The following ARID1B variants were observed in gnomAD, a reference collection of about 807,000 sequenced individuals.
The protein encoded by ARID1B is AT-rich interactive domain-containing protein 1B.
In ARID1B, 30 loss-of-function variants were observed where a neutral mutation model predicts 212.3. The ratio of observed to expected loss-of-function variants is 0.14; its 90% CI spans 0.11 to 0.19. The LOEUF is 0.19. Among genes scored for constraint, ARID1B ranks in the 10% least tolerant of loss-of-function variants. The pLI is 1.00. For missense variants in ARID1B, 2,891 were observed against 3,204.0 expected, an observed-to-expected ratio of 0.90 and a Z score of 2.36; for synonymous variants, 1,402 against 1,301.7, an observed-to-expected ratio of 1.08 and a Z score of -1.66.
chr6:156,935,147 GC>G (rs1050401904), intron 3 of ARID1B, among the ~76,000 whole-genome samples: 8 of 151,872 alleles, frequency 5.3e-5, no homozygotes, highest in Non-Finnish European at 1.0e-4. Flanking sequence ...AGGCTGGAGT[GC>G]AGCGGTGCAG....
rs1375128297 is a variant in ARID1B, at chr6:157,174,959, G to T, written c.3458G>T (p.Ser1153Ile). Residue 1153 changes from serine to isoleucine, a missense_variant, in exon 11 of 20, where the codon AGT becomes ATT. By Grantham distance (142) the Ser-to-Ile change is moderately radical. Transcript: ENST00000636930. The stretch of plus-strand genomic sequence containing the variant: ...ATCTCCTCATTTCATGGAGATGAAA[G>T]TGATAGCATTAGCAGCCCAGGCTGG... ...ASISSFHGDESDSISSPGWPK... is the reference protein window; with the variant it reads ...ASISSFHGDEIDSISSPGWPK... 4 of 1,531,356 alleles carry T rather than the reference G, an allele frequency of 2.6e-6. No homozygotes were observed. The highest frequency in any genetic ancestry group is 3.5e-6 in the Non-Finnish European group (4 of 1,137,058). The allele number at this position is 1,531,356 out of a possible 1,614,324, so 94.9% of individuals were successfully genotyped here.
intron 3 of ARID1B, among the ~76,000 whole-genome samples, chr6:156,928,388 T>C (rs552107050): frequency 6.6e-6 from 1 of 151,816 alleles, no homozygotes; most frequent in South Asian, 2.1e-4. Flanking sequence ...AGATAATGAG[T>C]TGTGTGGGGT....
At chr6:157,112,199 T>G (rs919980726) in intron 6 of ARID1B, among the ~76,000 whole-genome samples, 2 of 152,210 alleles carry the variant, frequency 1.3e-5, no homozygotes, top group Non-Finnish European at 2.9e-5. Flanking sequence ...TGGATTTGTT[T>G]CCCTAAATTC....
chr6:157,006,079 CCTT>C (rs1231254058), intron 4 of ARID1B, among the ~76,000 whole-genome samples: 1 of 152,168 alleles, frequency 6.6e-6, no homozygotes, highest in Non-Finnish European at 1.5e-5. Flanking sequence ...AAGATAGACT[CCTT>C]TGCCCTTGGT....
At chr6:157,126,407 TTCTC>T (rs1788140995) in intron 6 of ARID1B, among the ~76,000 whole-genome samples, 1 of 152,116 alleles carries the variant, frequency 6.6e-6, no homozygotes, top group Non-Finnish European at 1.5e-5. Context: ...CTACCTTAAC[TTCTC>T]TCTAAGGATT....
intron 6 of ARID1B, among the ~76,000 whole-genome samples, chr6:157,129,680 A>G (rs994789466): frequency 1.3e-5 from 2 of 152,222 alleles, no homozygotes; most frequent in Non-Finnish European, 2.9e-5. Context: ...TGGAAACTCC[A>G]TCTCCTTTTT....
At chr6:157,063,357 A>G (rs982452168) in intron 4 of ARID1B, among the ~76,000 whole-genome samples, 2 of 152,162 alleles carry the variant, frequency 1.3e-5, no homozygotes, top group African/African-American at 2.4e-5. Flanking sequence ...AGGTGCTCTC[A>G]TGCCCCTTTG....
chr6:157,066,668 C>T (rs1202777641), intron 4 of ARID1B, among the ~76,000 whole-genome samples: 1 of 152,074 alleles, frequency 6.6e-6, no homozygotes, highest in Non-Finnish European at 1.5e-5. Context: ...GGTGTTTTGC[C>T]ATTTTCTGTT....
chr6:156,808,355 T>C (rs1781327286), intron 1 of ARID1B, among the ~76,000 whole-genome samples: 1 of 152,206 alleles, frequency 6.6e-6, no homozygotes, highest in African/African-American at 2.4e-5. Flanking sequence ...TGGTACTCAA[T>C]AGGTATTCTA....
intron 3 of ARID1B, among the ~76,000 whole-genome samples, chr6:156,934,274 G>A (rs931744144): frequency 1.1e-4 from 16 of 151,604 alleles, no homozygotes; most frequent in Non-Finnish European, 1.9e-4. Flanking sequence ...TGACTTCAGG[G>A]GGAAACGATG....
chr6:156,784,956 C>T (rs553317049), intron 1 of ARID1B, among the ~76,000 whole-genome samples: 5 of 152,220 alleles, frequency 3.3e-5, no homozygotes, highest in Admixed American at 1.3e-4. Context: ...GATGGGGTTT[C>T]GCCATGTTGC....
intron 3 of ARID1B, among the ~76,000 whole-genome samples, chr6:156,904,240 C>T (rs1789180347): frequency 6.6e-6 from 1 of 152,150 alleles, no homozygotes; most frequent in African/African-American, 2.4e-5. Flanking sequence ...ATGCCTTCTT[C>T]CATATTTTTT....
intron 3 of ARID1B, among the ~76,000 whole-genome samples, chr6:156,922,057 C>T (rs891730224): frequency 2.0e-4 from 31 of 152,140 alleles, no homozygotes; most frequent in Non-Finnish European, 4.3e-4. Context: ...TTATCCAGCA[C>T]GCGGGTTCAG....
Position 156,886,958 on chromosome 6 carries a change from A to G in ARID1B, c.1987-14418A>G, listed in dbSNP as rs369950833. ...GGAGTTAGTTTTTGAACCACTGATA[A>G]TGCTTTTGTGTTCCACTGACCCTAC... On this transcript the variant is annotated intron_variant, in intron 2 of 19. Coordinates refer to ENST00000636930, the MANE Select transcript of ARID1B (RefSeq NM_001374828.1). Among the ~76,000 whole-genome samples the G allele has an allele frequency of 2.6e-5, 4 of 152,294 alleles. No homozygotes were observed. The East Asian group carries it at 5.8e-4, about 22-fold the overall frequency.
intron 2 of ARID1B, chr6:156,870,502 C>T (rs895750650): frequency 6.6e-6 from 1 of 152,150 alleles, no homozygotes; most frequent in Non-Finnish European, 1.5e-5. Flanking sequence ...AATATATTTG[C>T]CATTGAACAA....
intron 2 of ARID1B, among the ~76,000 whole-genome samples, chr6:156,881,197 C>A (rs1265120843): frequency 6.6e-6 from 1 of 152,184 alleles, no homozygotes; most frequent in East Asian, 1.9e-4. Context: ...ACTCTTGGAA[C>A]CTGAGAAAGC....
chr6:156,902,306 T>C (rs1275466005), intron 3 of ARID1B, among the ~76,000 whole-genome samples: 1 of 152,168 alleles, frequency 6.6e-6, no homozygotes, highest in Admixed American at 6.5e-5. Context: ...ATCATAAACA[T>C]CAAAATATAA....
chr6:157,198,748 T>A, intron 16 of ARID1B, 63 bp from the exon 17 acceptor site: 1 of 1,400,630 alleles, frequency 7.1e-7, no homozygotes, highest in South Asian at 1.2e-5. Context: ...AAATGGATTG[T>A]TTATTTCTCT....
intron 8 of ARID1B, among the ~76,000 whole-genome samples, chr6:157,157,838 C>T (rs141930577): frequency 5.3e-5 from 8 of 152,208 alleles, no homozygotes; most frequent in Admixed American, 3.9e-4. Flanking sequence ...GCCTGGGCAA[C>T]GTAGTGAGCC....
Sources: allele counts gnomAD v4.1 joint callset (sites outside exome capture counted in the v4.1 genomes callset), GRCh38; gene constraint gnomAD v4.1.1; transcripts MANE v1.5; gene names NCBI Gene and HGNC (gene_info 2026-07-23, HGNC 2026-07-21).